Variants in SHQ1 observed in about 807,000 individuals in gnomAD.
SHQ1 encodes SHQ1, H/ACA ribonucleoprotein assembly factor.
In SHQ1, 49 loss-of-function variants were observed where a neutral mutation model predicts 53.8. The ratio of observed to expected loss-of-function variants is 0.91; its 90% CI spans 0.72 to 1.16. The LOEUF is 1.16. Ranked by LOEUF, SHQ1 falls within the 50% of genes most tolerant of loss-of-function variation. The pLI is 0.00. For synonymous variants in SHQ1, 243 were observed against 251.0 expected (o/e 0.97, Z 0.30); for missense variants, 738 against 683.1 (o/e 1.08, Z -0.90).
chr3:72,769,962 G>A (rs566810412), intron 10 of SHQ1, among the ~76,000 whole-genome samples: 5 of 152,182 alleles, frequency 3.3e-5, no homozygotes, highest in Non-Finnish European at 5.9e-5. Flanking sequence ...ATAACAAAAT[G>A]AGGACATAAC....
downstream of SHQ1, among the ~76,000 whole-genome samples, chr3:72,748,294 A>G (rs1447850998): frequency 2.0e-5 from 3 of 148,370 alleles, no homozygotes; most frequent in South Asian, 2.2e-4. Context: ...TAAAATTCAC[A>G]AAGTGTGGCA....
intron 10 of SHQ1, among the ~76,000 whole-genome samples, chr3:72,779,302 CTA>C (rs1487721198): frequency 1.3e-5 from 2 of 152,142 alleles, no homozygotes; most frequent in African/African-American, 4.8e-5. Flanking sequence ...GATGGAACTA[CTA>C]TGTATTCCTG....
intron 5 of SHQ1, among the ~76,000 whole-genome samples, chr3:72,829,217 T>A (rs1480092407): frequency 6.6e-6 from 1 of 152,208 alleles, no homozygotes. Context: ...AGTAAAAGGA[T>A]GAGTTCAATT....
intron 5 of SHQ1, among the ~76,000 whole-genome samples, chr3:72,827,753 CTT>C (rs397877851): frequency 1.1e-4 from 12 of 111,640 alleles, no homozygotes; most frequent in Non-Finnish European, 1.1e-4. Context: ...TTTTTCAAGA[CTT>C]TTTTTTTTTT....
chr3:72,758,508 GT>G (rs1705544087), intron 10 of SHQ1, among the ~76,000 whole-genome samples: 1 of 151,004 alleles, frequency 6.6e-6, no homozygotes, highest in Non-Finnish European at 1.5e-5. Context: ...CCAAAAACTG[GT>G]AGCAGAAAAC....
At chr3:72,829,666 CTTAA>C (rs1201143137) in intron 5 of SHQ1, among the ~76,000 whole-genome samples, 2 of 152,148 alleles carry the variant, frequency 1.3e-5, no homozygotes, top group Non-Finnish European at 2.9e-5. Context: ...AACCCAAGAA[CTTAA>C]TTAATATACA....
chr3:72,798,722 A>C (rs1422114227), intron 9 of SHQ1, among the ~76,000 whole-genome samples: 1 of 152,202 alleles, frequency 6.6e-6, no homozygotes, highest in Non-Finnish European at 1.5e-5. Flanking sequence ...TCTTTCACTG[A>C]CAGACCAGCT....
chr3:72,761,588 C>T (rs1395067041), intron 10 of SHQ1, among the ~76,000 whole-genome samples: 2 of 152,206 alleles, frequency 1.3e-5, no homozygotes, highest in Non-Finnish European at 2.9e-5. Flanking sequence ...GGTTCCTTGA[C>T]AGTATCCGTT....
intron 8 of SHQ1, among the ~76,000 whole-genome samples, chr3:72,814,810 C>A (rs2106866792): frequency 6.6e-6 from 1 of 152,042 alleles, no homozygotes; most frequent in East Asian, 1.9e-4. Flanking sequence ...TCAAATGTAA[C>A]CAGACTACAT....
chr3:72,765,557 A>ATATATATATTTTT (rs1491527508), intron 10 of SHQ1, among the ~76,000 whole-genome samples: 4 of 57,190 alleles, frequency 7.0e-5, no homozygotes, highest in African/African-American at 3.2e-4. Context: ...ATATATATAT[A>ATATATATATTTTT]TTTTTTTTTT....
At chr3:72,832,308 T>G (rs1559695445) in intron 5 of SHQ1, 61 bp downstream of exon 5, 4 of 1,269,010 alleles carry the variant, frequency 3.2e-6, no homozygotes, top group Admixed American at 1.7e-5. Context: ...TAAAAGACAC[T>G]CAAAAATTTT....
downstream of SHQ1, among the ~76,000 whole-genome samples, chr3:72,744,923 T>TGGC (rs373070131): frequency 1.4e-5 from 1 of 72,748 alleles, no homozygotes; most frequent in African/African-American, 4.2e-5. Flanking sequence ...TTTGATACAT[T>TGGC]GGGGGGGGGG....
At chr3:72,764,395 G>A (rs2106724948) in intron 10 of SHQ1, among the ~76,000 whole-genome samples, 1 of 152,286 alleles carries the variant, frequency 6.6e-6, no homozygotes, top group South Asian at 2.1e-4. Context: ...CATGGGATCT[G>A]AAAGCCAGAC....
chr3:72,774,939 A>AC (rs1705924436), intron 10 of SHQ1, among the ~76,000 whole-genome samples: 1 of 151,874 alleles, frequency 6.6e-6, no homozygotes, highest in Non-Finnish European at 1.5e-5. Context: ...TCATGGTGAA[A>AC]CCCCATCTCT....
intron 5 of SHQ1, 62 bp downstream of exon 5, chr3:72,832,307 C>G: frequency 7.9e-7 from 1 of 1,262,036 alleles, no homozygotes; most frequent in South Asian, 1.2e-5. Context: ...TTAAAAGACA[C>G]TCAAAAATTT....
chr3:72,827,209 G>A (rs1575727760), intron 5 of SHQ1, among the ~76,000 whole-genome samples: 3 of 152,164 alleles, frequency 2.0e-5, no homozygotes, highest in East Asian at 1.9e-4. Context: ...GAGAAATAAC[G>A]ACTCCTGCTT....
Position 72,817,292 on chromosome 3 carries a change from T to C in SHQ1, c.820A>G (p.Ser274Gly), listed in dbSNP as rs1707346915. 8 of 1,613,894 alleles carry C rather than the reference T, an allele frequency of 5.0e-6. No homozygotes were observed. Among genetic ancestry groups the C allele is most frequent in the Non-Finnish European group, 6.8e-6 (8 of 1,179,800 alleles). Reference sequence around the variant, plus strand: ...TATGCCAGAAGGATATCAATCAAACTGTAGCACACTTGACGACAGGCTCTC... The same window carrying C: ...TATGCCAGAAGGATATCAATCAAACCGTAGCACACTTGACGACAGGCTCTC... Reference protein sequence around the residue: ...DKRACRQVCYSLIDILLAYCY... With the variant: ...DKRACRQVCYGLIDILLAYCY... Residue 274 changes from serine to glycine, a missense_variant, in exon 7 of 11, where the codon AGT becomes GGT. Coordinates refer to ENST00000325599, the MANE Select transcript of SHQ1 (RefSeq NM_018130.3).
At position 72,848,315 on chromosome 3, in the gene SHQ1, C is replaced by T; in HGVS notation, c.26G>A (p.Ser9Asn). The T allele has an allele frequency of 1.9e-6, 3 of 1,614,150 alleles. No homozygotes were observed. The highest frequency in any genetic ancestry group is 1.3e-5 in the African/African-American group (1 of 75,042). Residue 9 changes from serine to asparagine, a missense_variant, in exon 1 of 11, where the codon AGC becomes AAC. Physicochemically the swap from Ser to Asn is conservative, Grantham distance 46 (BLOSUM62 1). Coordinates refer to ENST00000325599, the MANE Select transcript of SHQ1 (RefSeq NM_018130.3). ...GATAGTCAGGAAGTCCGGATCCTGG[C>T]TGAGGTCGAACGCCGGGGTCAGCAT... MLTPAFDLSQDPDFLTIAI... is the reference protein window; with the variant it reads MLTPAFDLNQDPDFLTIAI...
chr3:72,751,964 C>A (rs1705394565), intron 10 of SHQ1, among the ~76,000 whole-genome samples: 1 of 152,086 alleles, frequency 6.6e-6, no homozygotes, highest in South Asian at 2.1e-4. Context: ...AGCCCCATGT[C>A]TGAAAATTAA....
Sources: gnomAD v4.1 joint callset for allele counts (sites outside exome capture counted in the v4.1 genomes callset) on GRCh38, gnomAD v4.1.1 for gene constraint, MANE v1.5 for transcripts, NCBI Gene and HGNC (gene_info 2026-07-23, HGNC 2026-07-21) for gene names.